Variants in GRB2 observed in about 807,000 individuals in gnomAD.
GRB2 encodes growth factor receptor bound protein 2, also known as growth factor receptor-bound protein 2.
In GRB2, 2 loss-of-function variants were observed where a neutral mutation model predicts 27.4. That is an observed-to-expected ratio of 0.07 (90% CI 0.03 to 0.23). The LOEUF (loss-of-function observed/expected upper bound fraction) is 0.23. GRB2 is among the 10% of genes least tolerant of loss of function. The pLI, the probability that GRB2 is intolerant of heterozygous loss-of-function variation, is 1.00. For missense variants in GRB2, 102 were observed against 282.4 expected, an observed-to-expected ratio of 0.36 and a Z score of 4.58; for synonymous variants, 94 against 99.6, an observed-to-expected ratio of 0.94 and a Z score of 0.33.
chr17:75,320,071 G>GCACT lies in GRB2; in HGVS notation c.*293_*296dup. ...GACTATACGTGGCCTTAAACGTCAT[G>GCACT]CACTGATGGACAGAAGAGAAAAAAG... On this transcript the variant is annotated 3_prime_UTR_variant, in exon 6 of 6. Transcript: ENST00000316804. The surrounding 1 kb of genome is among the most constrained non-coding windows in gnomAD (Gnocchi z 4.3). 3.2e-6 allele frequency: 1 copy of GCACT among 316,920 alleles called. No homozygotes were observed. The highest frequency in any genetic ancestry group is 6.1e-6 in the Non-Finnish European group (1 of 164,778). 19.6% of individuals were successfully genotyped at this position (316,920 alleles called of 1,614,324 possible).
Position 75,341,447 on chromosome 17 carries a change from T to TAA in GRB2, c.79-8652_79-8651dup, listed in dbSNP as rs61039194. On this transcript the variant is annotated intron_variant, in intron 2 of 5. Coordinates refer to ENST00000316804, the MANE Select transcript of GRB2 (RefSeq NM_002086.5). ...AGCCTGGGTGACAGAGTGACTCCAT[T>TAA]AAAAAAAAAAAAAAAAAAAAAACAC... 5.2e-3 allele frequency among the ~76,000 whole-genome samples: 574 copies of TAA among 110,224 alleles called. 6 individuals carry two copies. The highest frequency in any genetic ancestry group is 0.021 in the African/African-American group (546 of 26,170). 72.3% of individuals were successfully genotyped at this position (110,224 alleles called of 152,430 possible). A position where few individuals can be genotyped will look rare whatever the true frequency, so the allele number is the denominator to read the frequency against.
rs2078444636 is a variant in GRB2, at chr17:75,319,708, G to A, written c.*660C>T. ...GCCCACCTTGGCCTCCCAAAGTGCT[G>A]GGATTACAGGCGTGAGCCACCGCGC... is the stretch of plus-strand genomic sequence containing the variant. On this transcript the variant is annotated 3_prime_UTR_variant, in exon 6 of 6. Transcript: ENST00000316804. 1 of 152,280 alleles carries A rather than the reference G, an allele frequency of 6.6e-6. No individual in the cohort carries two copies. The highest frequency in any genetic ancestry group is 2.4e-5 in the African/African-American group (1 of 41,428). The allele number at this position is 152,280 out of a possible 1,614,324, so 9.4% of individuals were successfully genotyped here.
chr17:75,382,588 T>C (rs1007912787), intron 2 of GRB2, among the ~76,000 whole-genome samples: 2 of 152,350 alleles, frequency 1.3e-5, no homozygotes, highest in East Asian at 1.9e-4. Flanking sequence ...GTAGTTCTTT[T>C]GATAAAAATG....
chr17:75,396,796 ATAGG>A (rs1366198354), intron 1 of GRB2, among the ~76,000 whole-genome samples: 1 of 152,190 alleles, frequency 6.6e-6, no homozygotes, highest in African/African-American at 2.4e-5. Flanking sequence ...TGTATTAGTG[ATAGG>A]AAGCTGAAGA....
At chr17:75,356,528 G>C (rs1030336517) in intron 2 of GRB2, among the ~76,000 whole-genome samples, 1 of 152,134 alleles carries the variant, frequency 6.6e-6, no homozygotes, top group African/African-American at 2.4e-5. Flanking sequence ...ATAAATATTA[G>C]TTTGCATGTA....
intron 2 of GRB2, among the ~76,000 whole-genome samples, chr17:75,337,035 C>A (rs1209750917): frequency 6.6e-6 from 1 of 152,064 alleles, no homozygotes; most frequent in East Asian, 1.9e-4. Flanking sequence ...ATCATGCTGG[C>A]CAAAAATGTA....
chr17:75,399,710 C>T (rs957973718), intron 1 of GRB2, among the ~76,000 whole-genome samples: 1 of 149,642 alleles, frequency 6.7e-6, no homozygotes, highest in Non-Finnish European at 1.5e-5. Flanking sequence ...CTCGCTCTGT[C>T]GCCCAGGCTG....
At chr17:75,380,750 T>G (rs2078922973) in intron 2 of GRB2, among the ~76,000 whole-genome samples, 3 of 152,178 alleles carry the variant, frequency 2.0e-5, no homozygotes, top group Admixed American at 2.0e-4. Flanking sequence ...AAAAGGAAAT[T>G]AACCACTTAA....
intron 2 of GRB2, among the ~76,000 whole-genome samples, chr17:75,375,003 C>G (rs1449669785): frequency 2.0e-5 from 3 of 152,132 alleles, no homozygotes; most frequent in African/African-American, 7.2e-5. Context: ...TCAAGTCATC[C>G]TCCTGCCTGA....
intron 2 of GRB2, among the ~76,000 whole-genome samples, chr17:75,367,605 T>G (rs771290537): frequency 2.0e-5 from 3 of 152,224 alleles, no homozygotes; most frequent in Non-Finnish European, 2.9e-5. Context: ...AGTTACCTTG[T>G]GAGAAATGAG....
intron 2 of GRB2, among the ~76,000 whole-genome samples, chr17:75,370,135 A>C (rs2145854353): frequency 6.6e-6 from 1 of 152,318 alleles, no homozygotes; most frequent in East Asian, 1.9e-4. Context: ...TGTGGATATC[A>C]TATGGTTAGC....
chr17:75,346,086 T>C (rs1396709744), intron 2 of GRB2, among the ~76,000 whole-genome samples: 1 of 150,032 alleles, frequency 6.7e-6, no homozygotes, highest in Non-Finnish European at 1.5e-5. Flanking sequence ...GAGGAGAGAG[T>C]CGAGGTATTT....
chr17:75,389,453 C>T (rs1047282697), intron 2 of GRB2, among the ~76,000 whole-genome samples: 2 of 152,208 alleles, frequency 1.3e-5, no homozygotes, highest in Non-Finnish European at 2.9e-5. Context: ...TACTACAAAT[C>T]ACTACCAAGA....
intron 2 of GRB2, among the ~76,000 whole-genome samples, chr17:75,384,386 T>C (rs1011812562): frequency 1.3e-5 from 2 of 152,162 alleles, no homozygotes; most frequent in African/African-American, 4.8e-5. Flanking sequence ...ATAAAACTGA[T>C]AGCTGGGCAT....
intron 2 of GRB2, chr17:75,338,707 C>A: frequency 2.2e-6 from 1 of 455,458 alleles, no homozygotes; most frequent in South Asian, 2.4e-5. Context: ...TGCAAAGAGA[C>A]TGAAAATAAT....
intron 2 of GRB2, among the ~76,000 whole-genome samples, chr17:75,358,784 T>G (rs1233501103): frequency 1.4e-5 from 2 of 144,490 alleles, no homozygotes; most frequent in African/African-American, 5.1e-5. Context: ...CTCAGGAGGC[T>G]GAGGCATGAG....
At position 75,336,605 on chromosome 17, in the gene GRB2, C is replaced by T. The variant is rs142590695; in HGVS notation, c.79-3808G>A. 1.5e-3 allele frequency among the ~76,000 whole-genome samples: 228 copies of T among 152,324 alleles called. 3 individuals carry two copies. Among genetic ancestry groups the T allele is most frequent in the African/African-American group, 5.1e-3 (210 of 41,566 alleles). On this transcript the variant is annotated intron_variant, in intron 2 of 5. Coordinates refer to ENST00000316804, the MANE Select transcript of GRB2 (RefSeq NM_002086.5). The stretch of plus-strand genomic sequence containing the variant: ...TCCCCTCCCCCAACAAACACAACTC[C>T]AGGGCAACTCCTAGATTTGACATCA...
intron 5 of GRB2, 150 bp downstream of exon 5, chr17:75,321,509 T>C (rs2078459625): frequency 7.4e-6 from 5 of 672,704 alleles, no homozygotes; most frequent in Non-Finnish European, 1.3e-5. Context: ...GAATGGAGGG[T>C]AACATTTTCA....
intron 3 of GRB2, among the ~76,000 whole-genome samples, chr17:75,329,083 T>A (rs1431237031): frequency 1.3e-5 from 2 of 152,100 alleles, no homozygotes; most frequent in Admixed American, 1.3e-4. Context: ...GTATGCAGCA[T>A]GCATCTGACT....
Sources: allele counts gnomAD v4.1 joint callset (sites outside exome capture counted in the v4.1 genomes callset), GRCh38; gene constraint gnomAD v4.1.1; non-coding constraint Gnocchi (gnomAD v3.1); transcripts MANE v1.5; gene names NCBI Gene and HGNC (gene_info 2026-07-23, HGNC 2026-07-21).